The following ABCB1 variants were observed in gnomAD, a reference collection of about 807,000 sequenced individuals.
ABCB1 encodes ATP-dependent translocase ABCB1.
ABCB1 carries 69 observed loss-of-function variants against 142.0 expected under a neutral mutation model. The ratio of observed to expected loss-of-function variants is 0.49; its 90% CI spans 0.40 to 0.59. The LOEUF (loss-of-function observed/expected upper bound fraction) is 0.59, where lower values mean the gene tolerates loss of function less well. Ranked by LOEUF, ABCB1 falls within the 20% of genes least tolerant of loss-of-function variation. The pLI, the probability that ABCB1 is intolerant of heterozygous loss-of-function variation, is 0.00. For synonymous variants in ABCB1, 532 were observed against 539.2 expected (o/e 0.99, Z 0.18); for missense variants, 1,326 against 1,554.7 (o/e 0.85, Z 2.47).
chr7:87,603,003 G>A (rs988941461), upstream of ABCB1: 3 of 152,048 alleles, frequency 2.0e-5, no homozygotes, highest in South Asian at 2.1e-4. Flanking sequence ...TCATTCAAGC[G>A]GTGATATTTC....
intron 1 of ABCB1, chr7:87,627,918 T>C (rs933578680): frequency 3.3e-5 from 5 of 152,050 alleles, no homozygotes; most frequent in African/African-American, 1.2e-4. Context: ...AAGAAGGAGA[T>C]TCTACGAGCA....
At position 87,628,919 on chromosome 7, in the gene ABCB1, G is replaced by A. The variant is rs375335209; in HGVS notation, c.-330-27841C>T. ...TGAGCGCCCGCAATGCTGCGGTGGA[G>A]AGGAGGAACCTGATCACCGTGTGCA... On this transcript the variant is annotated intron_variant, in intron 1 of 28. Coordinates refer to the ABCB1 transcript ENST00000265724. 5.3e-6 allele frequency: 7 copies of A among 1,310,094 alleles called. No homozygotes were observed. The African/African-American group carries it at 7.5e-5, about 14-fold the overall frequency. The allele number at this position is 1,310,094 out of a possible 1,614,324, so 81.2% of individuals were successfully genotyped here.
At position 87,671,312 on chromosome 7, in the gene ABCB1, T is replaced by C. The variant is rs549702780; in HGVS notation, c.-331+41849A>G. 2.8e-4 allele frequency among the ~76,000 whole-genome samples: 42 copies of C among 152,290 alleles called. No homozygotes were observed. In the South Asian group the frequency reaches 8.7e-3, roughly 32 times the overall value. ...AAGGGCAGATCCACTGCAGCGGCAG[T>C]CTCAGAGAGGCTTTTAGTTTCCCCT... On this transcript the variant is annotated intron_variant, in intron 1 of 28. Coordinates refer to the ABCB1 transcript ENST00000265724.
At chr7:87,598,348 T>C (rs1243831323) in intron 2 of ABCB1, among the ~76,000 whole-genome samples, 1 of 152,208 alleles carries the variant, frequency 6.6e-6, no homozygotes, top group Non-Finnish European at 1.5e-5. Context: ...TGCAGATATA[T>C]TAATATTTGC....
chr7:87,629,642 A>G (rs921929696), intron 1 of ABCB1, among the ~76,000 whole-genome samples: 1 of 152,112 alleles, frequency 6.6e-6, no homozygotes, highest in African/African-American at 2.4e-5. Context: ...AATAATTACT[A>G]TTGGGCCGGG....
intron 1 of ABCB1, among the ~76,000 whole-genome samples, chr7:87,628,146 G>T (rs1820788063): frequency 6.6e-6 from 1 of 152,188 alleles, no homozygotes; most frequent in Non-Finnish European, 1.5e-5. Flanking sequence ...GGCCCCTGGC[G>T]CTGTGGGGCC....
intron 1 of ABCB1, among the ~76,000 whole-genome samples, chr7:87,636,792 A>G (rs1821819362): frequency 6.6e-6 from 1 of 152,208 alleles, no homozygotes; most frequent in Admixed American, 6.5e-5. Context: ...CATTTATTGG[A>G]AAGACCATTG....
At position 87,535,261 on chromosome 7, in the gene ABCB1, T is replaced by A. The variant is rs115766069; in HGVS notation, c.2481+1197A>T. ...CCTACAGTGGTTTTCCATCTACTTC[T>A]GGATATAATGCTGACCTTAACACAC... On this transcript the variant is annotated intron_variant, in intron 20 of 27. Transcript: ENST00000622132. Among the ~76,000 whole-genome samples the A allele has an allele frequency of 5.7e-3, 866 of 152,208 alleles. 13 individuals carry two copies. The highest frequency in any genetic ancestry group is 0.02 in the African/African-American group (821 of 41,538).
In ABCB1 at chr7:87,503,208, T is replaced by C. The variant is rs1321945313; in HGVS notation, c.*1035A>G. ...GGTGATGGCTTCTTTTTTTTATTTT[T>C]AGAAGTTGCTTATTTAAGATAGCAA... On this transcript the variant is annotated 3_prime_UTR_variant, in exon 28 of 28. Coordinates refer to ENST00000622132, the MANE Select transcript of ABCB1 (RefSeq NM_001348946.2). Among the ~76,000 whole-genome samples the C allele has an allele frequency of 6.6e-6, 1 of 152,062 alleles. No homozygotes were observed. The highest frequency in any genetic ancestry group is 1.5e-5 in the Non-Finnish European group (1 of 67,964).
At chr7:87,573,300 A>G (rs1404085080) in intron 4 of ABCB1, among the ~76,000 whole-genome samples, 1 of 152,058 alleles carries the variant, frequency 6.6e-6, no homozygotes, top group Non-Finnish European at 1.5e-5. Flanking sequence ...TCCTACTTCC[A>G]CCACTCTGAT....
At chr7:87,585,460 G>C (rs1818704326) in intron 4 of ABCB1, 52 bp downstream of exon 4, 5 of 1,577,756 alleles carry the variant, frequency 3.2e-6, no homozygotes, top group African/African-American at 1.3e-5. Context: ...CACTCTAAGT[G>C]CTTGTTTTTG....
At chr7:87,534,188 G>T (rs578134792) in intron 20 of ABCB1, among the ~76,000 whole-genome samples, 7 of 152,282 alleles carry the variant, frequency 4.6e-5, no homozygotes, top group African/African-American at 1.7e-4. Flanking sequence ...GAATACATCT[G>T]CTCTGGGTTC....
At chr7:87,521,201 T>G in intron 21 of ABCB1, 1 of 382,166 alleles carries the variant, frequency 2.6e-6, no homozygotes, top group South Asian at 2.9e-5. Flanking sequence ...GCAGTGCTCT[T>G]TCTTCTATGA....
chr7:87,512,612 C>A (rs1374540009), intron 25 of ABCB1, among the ~76,000 whole-genome samples: 1 of 152,168 alleles, frequency 6.6e-6, no homozygotes, highest in Non-Finnish European at 1.5e-5. Context: ...ATGCTCAAAT[C>A]CACAGACTCA....
Position 87,592,470 on chromosome 7 carries a change from G to T in ABCB1, c.117+3296C>A, listed in dbSNP as rs1054519895. ...TGGTTGGAGCACCAAAGTGGAAAGGGAGGATACTGAGCCAGGTGGCGTAGT... is the reference window on the plus strand; with the variant it reads ...TGGTTGGAGCACCAAAGTGGAAAGGTAGGATACTGAGCCAGGTGGCGTAGT... On this transcript the variant is annotated intron_variant, in intron 3 of 27. Coordinates refer to ENST00000622132, the MANE Select transcript of ABCB1 (RefSeq NM_001348946.2). Among the ~76,000 whole-genome samples, 5 of 152,306 alleles carry T rather than the reference G, an allele frequency of 3.3e-5. No homozygotes were observed. In the East Asian group the frequency reaches 9.6e-4, roughly 29 times the overall value.
intron 25 of ABCB1, among the ~76,000 whole-genome samples, chr7:87,513,140 T>C (rs1273145329): frequency 6.6e-6 from 1 of 152,208 alleles, no homozygotes; most frequent in African/African-American, 2.4e-5. Flanking sequence ...CTCGTGTCTT[T>C]AAATTTGGAA....
chr7:87,709,295 A>G, intron 1 of ABCB1: 2 of 985,206 alleles, frequency 2.0e-6, no homozygotes, highest in East Asian at 1.1e-4. Flanking sequence ...TTCATTGGTG[A>G]AATTGTAGCC....
At chr7:87,665,926 T>G (rs1825186468) in intron 1 of ABCB1, among the ~76,000 whole-genome samples, 1 of 151,806 alleles carries the variant, frequency 6.6e-6, no homozygotes, top group African/African-American at 2.4e-5. Flanking sequence ...TCACATTTTC[T>G]TTAGTGCTAC....
chr7:87,598,612 T>C (rs1399963241), intron 2 of ABCB1, among the ~76,000 whole-genome samples: 1 of 152,212 alleles, frequency 6.6e-6, no homozygotes, highest in Admixed American at 6.5e-5. Flanking sequence ...AAATGATAGC[T>C]GGAATTTTTC....
Sources: allele counts gnomAD v4.1 joint callset (sites outside exome capture counted in the v4.1 genomes callset), GRCh38; gene constraint gnomAD v4.1.1; transcripts MANE v1.5; gene names NCBI Gene and HGNC (gene_info 2026-07-23, HGNC 2026-07-21).